RAPGEF2: variants seen among roughly 807,000 people sequenced by gnomAD.
The protein encoded by RAPGEF2 is Rap guanine nucleotide exchange factor 2.
A neutral mutation model predicts 186.7 loss-of-function variants in RAPGEF2; 54 were observed. That is an observed-to-expected ratio of 0.29 (90% confidence interval 0.23 to 0.36). The LOEUF (loss-of-function observed/expected upper bound fraction) is 0.36. Among genes scored for constraint, RAPGEF2 ranks in the 10% least tolerant of loss-of-function variants. RAPGEF2 has a pLI of 1.00. For synonymous variants in RAPGEF2, 712 were observed against 705.9 expected (o/e 1.01, Z -0.14); for missense variants, 1,532 against 2,045.0 (o/e 0.75, Z 4.84).
intron 2 of RAPGEF2, among the ~76,000 whole-genome samples, chr4:159,187,355 C>T (rs1001495025): frequency 6.6e-6 from 1 of 151,732 alleles, no homozygotes; most frequent in African/African-American, 2.4e-5. Context: ...CTCCCTTCCT[C>T]TCTCACTTCT....
At chr4:159,294,430 C>T (rs1761645688) in intron 7 of RAPGEF2, among the ~76,000 whole-genome samples, 1 of 152,302 alleles carries the variant, frequency 6.6e-6, no homozygotes, top group South Asian at 2.1e-4. Context: ...GCTTCCATAG[C>T]ATCAGTCCCA....
At chr4:159,118,634 G>A (rs1739318414) in intron 1 of RAPGEF2, among the ~76,000 whole-genome samples, 2 of 152,030 alleles carry the variant, frequency 1.3e-5, no homozygotes. Flanking sequence ...TGCCCAGGCT[G>A]GAGTGCAATG....
At position 159,183,084 on chromosome 4, in the gene RAPGEF2, T is replaced by C. The variant is rs576317541; in HGVS notation, c.70-3558T>C. 5.3e-5 allele frequency among the ~76,000 whole-genome samples: 8 copies of C among 152,258 alleles called. 1 individual carries two copies. The South Asian group carries it at 1.7e-3, about 32-fold the overall frequency. The stretch of plus-strand genomic sequence containing the variant: ...ACAAGCTAATCAAAAAAATTAAGAT[T>C]GAAAATGCAAGGCACCTAAAAGAGC... On this transcript the variant is annotated intron_variant, in intron 1 of 29. Transcript: ENST00000691494.
intron 1 of RAPGEF2, among the ~76,000 whole-genome samples, chr4:159,136,583 G>A (rs1741747395): frequency 6.6e-6 from 1 of 152,170 alleles, no homozygotes; most frequent in African/African-American, 2.4e-5. Context: ...TGACATCTAT[G>A]TATAGGTAAA....
intron 4 of RAPGEF2, among the ~76,000 whole-genome samples, chr4:159,214,804 C>T (rs1037000316): frequency 2.0e-5 from 3 of 152,118 alleles, no homozygotes; most frequent in African/African-American, 7.2e-5. Context: ...TCTTTTTCTA[C>T]TAATTTATCA....
In RAPGEF2 at chr4:159,324,356, C is replaced by T. The variant is rs1024542364; in HGVS notation, c.1149+739C>T. ...ATAGGATTTTAATGTGGAACTATTA[C>T]TTTTAGTCTTATAACACCCCAGAAA... On this transcript the variant is annotated intron_variant, in intron 11 of 29. Coordinates refer to ENST00000691494, the MANE Select transcript of RAPGEF2 (RefSeq NM_001394067.2). 5.3e-5 allele frequency among the ~76,000 whole-genome samples: 8 copies of T among 152,102 alleles called. No individual in the cohort carries two copies. The East Asian group carries it at 7.7e-4, about 15-fold the overall frequency.
intron 3 of RAPGEF2, among the ~76,000 whole-genome samples, chr4:159,198,413 CCT>C (rs70962662): frequency 0.15 from 16,667 of 111,120 alleles, 2,667 homozygotes; most frequent in African/African-American, 0.37. Flanking sequence ...TTCCTCTCTT[CCT>C]CTCTCTCTCT....
At chr4:159,260,049 G>A (rs2110735835) in intron 7 of RAPGEF2, among the ~76,000 whole-genome samples, 1 of 152,108 alleles carries the variant, frequency 6.6e-6, no homozygotes, top group African/African-American at 2.4e-5. Flanking sequence ...CCAGGCTAGA[G>A]TGCAGTGGTG....
Position 159,323,591 on chromosome 4 carries a change from A to T in RAPGEF2, c.1123A>T (p.Met375Leu). Residue 375 changes from methionine (M) to leucine (L), a missense_variant, in exon 11 of 30, where the codon ATG (methionine) becomes TTG (leucine). Around this residue, in one of 4 missense-constraint regions of RAPGEF2, gnomAD observed 810 missense variants for 1,210.5 expected, o/e 0.67. Transcript: ENST00000691494. ...GGACAAAGAATACATGAAAGGAGTG[A>T]TGAGAACAAAGGTGGATGACTGCCA... ...TMDKEYMKGV[M>L]RTKVDDCQFV... is the part of the protein sequence containing the mutation. 6.2e-7 allele frequency: 1 copy of T among 1,606,216 alleles called. No individual in the cohort carries two copies. The highest frequency in any genetic ancestry group is 2.3e-5 in the East Asian group (1 of 44,334).
At chr4:159,261,355 T>C (rs567527184) in intron 7 of RAPGEF2, among the ~76,000 whole-genome samples, 21 of 152,196 alleles carry the variant, frequency 1.4e-4, no homozygotes, top group Admixed American at 2.6e-4. Context: ...AGCCACCGCA[T>C]CCAGCTGAAA....
At chr4:159,178,480 A>G (rs1746669616) in intron 1 of RAPGEF2, among the ~76,000 whole-genome samples, 1 of 151,764 alleles carries the variant, frequency 6.6e-6, no homozygotes, top group Non-Finnish European at 1.5e-5. Flanking sequence ...ATGAGTCTCT[A>G]AGGAGAAATT....
intron 7 of RAPGEF2, among the ~76,000 whole-genome samples, chr4:159,287,964 G>T (rs1283400690): frequency 6.6e-6 from 1 of 152,142 alleles, no homozygotes; most frequent in African/African-American, 2.4e-5. Flanking sequence ...TATATTACCA[G>T]AATTCTTTCA....
Position 159,338,541 on chromosome 4 carries a change from T to C in RAPGEF2, c.2293+73T>C, listed in dbSNP as rs1208867475. 3 of 1,382,280 alleles carry C rather than the reference T, an allele frequency of 2.2e-6. No homozygotes were observed. In the African/African-American group the frequency reaches 4.3e-5, roughly 20 times the overall value. 85.6% of individuals were successfully genotyped at this position (1,382,280 alleles called of 1,614,324 possible). ...TTTCTAACATAATGGTCATATTATA[T>C]GTATCTCTCTTCATTTGGCATGGAT... On this transcript the variant is annotated intron_variant, in intron 18 of 29. Coordinates refer to ENST00000691494, the MANE Select transcript of RAPGEF2 (RefSeq NM_001394067.2).
chr4:159,131,225 C>T (rs1174088094), intron 1 of RAPGEF2, among the ~76,000 whole-genome samples: 1 of 152,136 alleles, frequency 6.6e-6, no homozygotes, highest in African/African-American at 2.4e-5. Flanking sequence ...ATTCTGCTGC[C>T]TCATCTTCCT....
chr4:159,191,680 A>G (rs1748142418), intron 2 of RAPGEF2, among the ~76,000 whole-genome samples: 1 of 152,184 alleles, frequency 6.6e-6, no homozygotes, highest in East Asian at 1.9e-4. Flanking sequence ...TGGAGGTTGC[A>G]GTGAGCTGAG....
intron 7 of RAPGEF2, among the ~76,000 whole-genome samples, chr4:159,248,454 A>G (rs1488489580): frequency 6.6e-6 from 1 of 152,212 alleles, no homozygotes; most frequent in Non-Finnish European, 1.5e-5. Context: ...CACGCCCATT[A>G]TCGGCAGGTT....
chr4:159,104,579 T>C (rs1179328156), intron 1 of RAPGEF2, among the ~76,000 whole-genome samples: 1 of 151,330 alleles, frequency 6.6e-6, no homozygotes, highest in African/African-American at 2.4e-5. Context: ...TGTATGTGTG[T>C]GAATGTGTGA....
chr4:159,291,028 G>T (rs1761139155), intron 7 of RAPGEF2, among the ~76,000 whole-genome samples: 1 of 152,248 alleles, frequency 6.6e-6, no homozygotes. Context: ...AGAAGTAAAA[G>T]GAAAAATTGA....
At chr4:159,122,048 A>AAAAAAAAAAAAAAAAAAAAAAAAAAC in intron 1 of RAPGEF2, among the ~76,000 whole-genome samples, 1 of 150,942 alleles carries the variant, frequency 6.6e-6, no homozygotes, top group Non-Finnish European at 1.5e-5. Context: ...CAAAAAAAAA[A>AAAAAAAAAAAAAAAAAAAAAAAAAAC]AAAAAAAAAA....
Sources: allele counts gnomAD v4.1 joint callset (sites outside exome capture counted in the v4.1 genomes callset), GRCh38; gene constraint gnomAD v4.1.1; regional missense constraint gnomAD v4.1.1; transcripts MANE v1.5; gene names NCBI Gene and HGNC (gene_info 2026-07-23, HGNC 2026-07-21).